The following CFAP45 variants were observed in gnomAD, a reference collection of about 807,000 sequenced individuals.
The protein encoded by CFAP45 is cilia- and flagella-associated protein 45.
CFAP45 carries 43 observed loss-of-function variants against 75.6 expected under a neutral mutation model. The observed-to-expected ratio is 0.57, with a 90% CI of 0.45 to 0.73. The LOEUF is 0.73. CFAP45 is among the 30% of genes least tolerant of loss of function. The probability of loss-of-function intolerance (pLI) is 0.00; values close to 1 mark genes in which losing one functional copy is unlikely to be tolerated. For missense variants in CFAP45, 689 were observed against 701.5 expected, an observed-to-expected ratio of 0.98 and a Z score of 0.20; for synonymous variants, 223 against 244.6, an observed-to-expected ratio of 0.91 and a Z score of 0.82.
chr1:159,880,422 T>C lies in CFAP45; in HGVS notation c.1044+132A>G, dbSNP rs188748292. 5.1e-3 allele frequency: 3,991 copies of C among 788,258 alleles called. 25 individuals carry two copies. The highest frequency in any genetic ancestry group is 7.4e-3 in the Non-Finnish European group (3,568 of 485,358). 48.8% of individuals were successfully genotyped at this position (788,258 alleles called of 1,614,324 possible). A position where few individuals can be genotyped will look rare whatever the true frequency, so the allele number is the denominator to read the frequency against. On this transcript the variant is annotated intron_variant, in intron 8 of 11. Transcript: ENST00000368099. ...TGAAGAGACAAAGAAGCCAGGCCCT[T>C]GAACTAAGGATGTGCATCTTAGAAT...
chr1:159,886,707 A>G lies in CFAP45; in HGVS notation c.589-18T>C. On this transcript the variant is annotated intron_variant, in intron 5 of 11. Coordinates refer to ENST00000368099, the MANE Select transcript of CFAP45 (RefSeq NM_012337.3). ...AGGATAATCTGGAGAGTGGAGATTA[A>G]ACTGTAGCACTAGGCCTAGGGATGT... is the stretch of plus-strand genomic sequence containing the variant. 1 of 1,609,888 alleles carries G rather than the reference A, an allele frequency of 6.2e-7. No individual in the cohort carries two copies. The highest frequency in any genetic ancestry group is 1.1e-5 in the South Asian group (1 of 90,998).
intron 5 of CFAP45, 47 bp from the exon 6 acceptor site, chr1:159,886,736 A>G: frequency 6.6e-7 from 1 of 1,511,186 alleles, no homozygotes. Flanking sequence ...GGGATGTGTA[A>G]GTTTAAGGGG....
chr1:159,886,774 C>T (rs910104302), intron 5 of CFAP45, 85 bp from the exon 6 acceptor site: 13 of 1,104,742 alleles, frequency 1.2e-5, no homozygotes, highest in African/African-American at 1.5e-5. Flanking sequence ...TGCTATACTG[C>T]TGAGCATGCT....
intron 7 of CFAP45, among the ~76,000 whole-genome samples, chr1:159,880,944 A>G (rs1332346496): frequency 1.3e-5 from 2 of 152,222 alleles, no homozygotes; most frequent in Non-Finnish European, 2.9e-5. Context: ...ATTGATCTCT[A>G]TATTTTCAGG....
intron 5 of CFAP45, 102 bp from the exon 6 acceptor site, chr1:159,886,791 G>T: frequency 1.1e-6 from 1 of 878,430 alleles, no homozygotes; most frequent in Non-Finnish European, 1.9e-6. Context: ...TGCTGGAGGT[G>T]TGCATGACTG....
chr1:159,896,497 A>T (rs1649953566), intron 1 of CFAP45, among the ~76,000 whole-genome samples: 1 of 152,240 alleles, frequency 6.6e-6, no homozygotes, highest in Admixed American at 6.5e-5. Context: ...CATACTAGAA[A>T]AAAATGAAGA....
At chr1:159,885,514 T>TTGGC (rs1332262940) in intron 6 of CFAP45, among the ~76,000 whole-genome samples, 1 of 152,206 alleles carries the variant, frequency 6.6e-6, no homozygotes, top group Non-Finnish European at 1.5e-5. Flanking sequence ...TATTGTATGG[T>TTGGC]TGGCGTTCTA....
chr1:159,878,753 T>TAAAAGAAAAAAAAAA (rs1649469340), intron 8 of CFAP45, among the ~76,000 whole-genome samples: 1 of 32,496 alleles, frequency 3.1e-5, no homozygotes. Context: ...AGACTACATC[T>TAAAAGAAAAAAAAAA]AAAAAAAAAA....
chr1:159,895,726 G>A (rs1177317151), intron 1 of CFAP45, among the ~76,000 whole-genome samples: 1 of 152,210 alleles, frequency 6.6e-6, no homozygotes, highest in African/African-American at 2.4e-5. Context: ...ATGGTAGGTG[G>A]TGAGCTACGG....
At chr1:159,880,489 G>T in intron 8 of CFAP45, 65 bp downstream of exon 8, 1 of 1,479,828 alleles carries the variant, frequency 6.8e-7, no homozygotes, top group Non-Finnish European at 9.2e-7. Context: ...TTAGTTCTCA[G>T]GCCCTCCTCT....
chr1:159,880,572 C>T lies in CFAP45; in HGVS notation c.1026G>A (p.Glu342=). Residue 342 remains glutamate (E), a synonymous_variant, in exon 8 of 12, where the codon GAG becomes GAA. Transcript: ENST00000368099. Reference sequence around the variant, plus strand: ...TCCCTACCATCTTCTTCTTGGTAAACTCCATCACCATCTGGTCTGCCAGCT... The same window carrying T: ...TCCCTACCATCTTCTTCTTGGTAAATTCCATCACCATCTGGTCTGCCAGCT... ...QEKLADQMVM[E]FTKKKMAREA... 2 of 1,613,176 alleles carry T rather than the reference C, an allele frequency of 1.2e-6. No individual in the cohort carries two copies. Among genetic ancestry groups the T allele is most frequent in the Non-Finnish European group, 1.7e-6 (2 of 1,179,556 alleles).
chr1:159,887,810 C>T (rs376721854), intron 5 of CFAP45, 31 bp downstream of exon 5: 3 of 1,586,478 alleles, frequency 1.9e-6, no homozygotes, highest in Non-Finnish European at 2.6e-6. Context: ...GCAGTGAATG[C>T]TCAGAGGGAA....
Position 159,877,372 on chromosome 1 carries a change from C to T in CFAP45, c.1135G>A (p.Ala379Thr), listed in dbSNP as rs77887152. 2.4e-5 allele frequency: 38 copies of T among 1,613,082 alleles called. 1 individual carries two copies. The East Asian group carries it at 7.1e-4, about 30-fold the overall frequency. ...ACCTGTTCTGCCTGGTAATCCTGGG[C>T]CTTCTCCTGCATGGCCCTCAAGCGT... is the stretch of plus-strand genomic sequence containing the variant. ...IARLRAMQEKAQDYQAEQDAL... is the reference protein window; with the variant it reads ...IARLRAMQEKTQDYQAEQDAL... Residue 379 changes from alanine to threonine, a missense_variant, in exon 9 of 12, where the codon GCC (alanine) becomes ACC (threonine). Transcript: ENST00000368099.
chr1:159,894,286 C>T (rs1242927073), intron 1 of CFAP45, among the ~76,000 whole-genome samples: 1 of 152,204 alleles, frequency 6.6e-6, no homozygotes, highest in South Asian at 2.1e-4. Flanking sequence ...GTACCAGTTT[C>T]CCAAGAGGAC....
chr1:159,888,037 G>A (rs1372605166), intron 4 of CFAP45, 26 bp from the exon 5 acceptor site: 1 of 1,608,976 alleles, frequency 6.2e-7, no homozygotes, highest in East Asian at 2.2e-5. Flanking sequence ...CTGGCTCAGT[G>A]GGAGATTATT....
intron 7 of CFAP45, among the ~76,000 whole-genome samples, chr1:159,883,978 G>C (rs1239934998): frequency 6.6e-6 from 1 of 152,130 alleles, no homozygotes; most frequent in Non-Finnish European, 1.5e-5. Context: ...AGGAAGAAAA[G>C]GTTTGGCTTC....
At chr1:159,884,007 A>G (rs1022896500) in intron 7 of CFAP45, among the ~76,000 whole-genome samples, 32 of 152,208 alleles carry the variant, frequency 2.1e-4, no homozygotes, top group Non-Finnish European at 2.5e-4. Flanking sequence ...GTTAATGGCA[A>G]TGGGATGCTA....
Position 159,888,025 on chromosome 1 carries a change from G to A in CFAP45, c.418-14C>T, listed in dbSNP as rs532705028. The A allele has an allele frequency of 1.6e-5, 25 of 1,611,622 alleles. No homozygotes were observed. The Admixed American group carries it at 2.8e-4, about 18-fold the overall frequency. On this transcript the variant is annotated splice_polypyrimidine_tract_variant and intron_variant, in intron 4 of 11. Transcript: ENST00000368099. ...CATCACTGCATCCTAAGGGAGACCAGTCTGGCTCAGTGGGAGATTATTTCA... is the reference window on the plus strand; with the variant it reads ...CATCACTGCATCCTAAGGGAGACCAATCTGGCTCAGTGGGAGATTATTTCA...
chr1:159,892,819 G>A (rs1449674630), intron 2 of CFAP45, among the ~76,000 whole-genome samples: 4 of 152,310 alleles, frequency 2.6e-5, no homozygotes, highest in East Asian at 1.9e-4. Context: ...TGGATGGAGC[G>A]GGGAAGATGT....
Sources: gnomAD v4.1 joint callset for allele counts (sites outside exome capture counted in the v4.1 genomes callset) on GRCh38, gnomAD v4.1.1 for gene constraint, MANE v1.5 for transcripts, NCBI Gene and HGNC (gene_info 2026-07-23, HGNC 2026-07-21) for gene names.